Variants in SAMTOR observed in about 807,000 individuals in gnomAD.
SAMTOR encodes UPF0532 protein C7orf60.
the SAMTOR span, among the ~76,000 whole-genome samples, chr7:112,895,251 T>C: frequency 6.6e-6 from 1 of 151,150 alleles, no homozygotes; most frequent in Admixed American, 6.6e-5. Flanking sequence ...TTATATGTTA[T>C]ATACACACAT....
At chr7:112,924,051 C>G in the SAMTOR span, among the ~76,000 whole-genome samples, 4,024 of 63,994 alleles carry the variant, frequency 0.063, 88 homozygotes, top group African/African-American at 0.14. Flanking sequence ...TGTGGGGTGG[C>G]GGGAGGGGGG....
the SAMTOR span, among the ~76,000 whole-genome samples, chr7:112,917,944 T>G: frequency 6.6e-6 from 1 of 152,060 alleles, no homozygotes; most frequent in East Asian, 1.9e-4. Context: ...AATATGAGAC[T>G]ATGTGAAAAG....
the SAMTOR span, among the ~76,000 whole-genome samples, chr7:112,860,457 C>T: frequency 6.6e-6 from 1 of 152,132 alleles, no homozygotes; most frequent in Non-Finnish European, 1.5e-5. Flanking sequence ...TATTCGTTCC[C>T]TTATTGCATC....
At chr7:112,868,652 A>C in the SAMTOR span, among the ~76,000 whole-genome samples, 1 of 152,236 alleles carries the variant, frequency 6.6e-6, no homozygotes, top group Non-Finnish European at 1.5e-5. Context: ...ACACAAAGTC[A>C]GTCACTGTTT....
At chr7:112,918,543 C>G in the SAMTOR span, among the ~76,000 whole-genome samples, 4 of 152,086 alleles carry the variant, frequency 2.6e-5, no homozygotes, top group Non-Finnish European at 5.9e-5. Flanking sequence ...CATCAACTAA[C>G]GAGCAAAATA....
At chr7:112,853,996 T>C in the SAMTOR span, among the ~76,000 whole-genome samples, 3 of 152,132 alleles carry the variant, frequency 2.0e-5, no homozygotes, top group African/African-American at 4.8e-5. Flanking sequence ...ACTTCTTGAA[T>C]TGATGACAGT....
At chr7:112,871,576 A>T in the SAMTOR span, among the ~76,000 whole-genome samples, 1 of 152,220 alleles carries the variant, frequency 6.6e-6, no homozygotes, top group Non-Finnish European at 1.5e-5. Context: ...GGAAGGTCTC[A>T]AATTAACAAT....
the SAMTOR span, among the ~76,000 whole-genome samples, chr7:112,848,615 G>A: frequency 1.2e-3 from 182 of 152,280 alleles, no homozygotes; most frequent in Admixed American, 2.4e-3. Flanking sequence ...GAGGGGGATG[G>A]TGGAGAGTAA....
the SAMTOR span, chr7:112,819,237 T>C: frequency 6.6e-6 from 1 of 152,600 alleles, no homozygotes; most frequent in Non-Finnish European, 1.5e-5. Context: ...TCAGGTATGC[T>C]ACCTCCCACC....
the SAMTOR span, among the ~76,000 whole-genome samples, chr7:112,845,625 C>T: frequency 6.6e-6 from 1 of 152,270 alleles, no homozygotes; most frequent in African/African-American, 2.4e-5. Context: ...AATGCTTATA[C>T]ACTGCTAGTG....
the SAMTOR span, among the ~76,000 whole-genome samples, chr7:112,934,005 TTTC>T: frequency 3.9e-5 from 6 of 152,188 alleles, no homozygotes. Flanking sequence ...AAATCAATAT[TTTC>T]TTAAGAAATA....
the SAMTOR span, among the ~76,000 whole-genome samples, chr7:112,913,580 G>A: frequency 1.3e-5 from 2 of 152,112 alleles, no homozygotes; most frequent in African/African-American, 4.8e-5. Flanking sequence ...CACTTCTTTT[G>A]TCAAAACAGC....
chr7:112,895,275 A>C, the SAMTOR span, among the ~76,000 whole-genome samples: 958 of 151,440 alleles, frequency 6.3e-3, 7 homozygotes, highest in African/African-American at 0.021. Flanking sequence ...GCCATAACAT[A>C]TATGTAATAT....
chr7:112,868,277 A>C, the SAMTOR span, among the ~76,000 whole-genome samples: 1 of 152,210 alleles, frequency 6.6e-6, no homozygotes, highest in Non-Finnish European at 1.5e-5. Context: ...GAAATAGCAA[A>C]AATAGTGCGT....
chr7:112,933,367 CAA>C, the SAMTOR span, among the ~76,000 whole-genome samples: 1 of 152,054 alleles, frequency 6.6e-6, no homozygotes, highest in East Asian at 1.9e-4. Context: ...AAATGGCTAC[CAA>C]AAGATAGAAA....
chr7:112,897,278 G>A, the SAMTOR span, among the ~76,000 whole-genome samples: 4 of 152,134 alleles, frequency 2.6e-5, no homozygotes, highest in Non-Finnish European at 5.9e-5. Context: ...CCCACTAACT[G>A]TACACTAGAT....
chr7:112,842,423 T>C, the SAMTOR span, among the ~76,000 whole-genome samples: 4 of 151,962 alleles, frequency 2.6e-5, no homozygotes, highest in Non-Finnish European at 5.9e-5. Flanking sequence ...TTTGGACCAA[T>C]GCTCTCAGCT....
chr7:112,895,081 T>G, the SAMTOR span, among the ~76,000 whole-genome samples: 2 of 152,234 alleles, frequency 1.3e-5, no homozygotes, highest in East Asian at 3.9e-4. Flanking sequence ...TAATAACCTT[T>G]CATTATTTTT....
chr7:112,864,436 T>A, the SAMTOR span, among the ~76,000 whole-genome samples: 4 of 152,182 alleles, frequency 2.6e-5, no homozygotes, highest in African/African-American at 9.7e-5. Flanking sequence ...GTTTTTATGA[T>A]AAAGTTTAAT....
Sources: allele counts gnomAD v4.1 joint callset (sites outside exome capture counted in the v4.1 genomes callset), GRCh38; gene constraint gnomAD v4.1.1; transcripts MANE v1.5; gene names NCBI Gene and HGNC (gene_info 2026-07-23, HGNC 2026-07-21).